Variants in CDC7 observed in about 807,000 individuals in gnomAD.
CDC7 encodes cell division cycle 7, also known as cell division cycle 7-related protein kinase.
In CDC7, 34 loss-of-function variants were observed where a neutral mutation model predicts 53.5. The observed-to-expected ratio is 0.64, with a 90% CI of 0.48 to 0.85. The LOEUF is 0.85. CDC7 is among the 40% of genes least tolerant of loss of function. The pLI is 0.00. For synonymous variants in CDC7, 211 were observed against 222.8 expected (o/e 0.95, Z 0.47); for missense variants, 594 against 679.7 (o/e 0.87, Z 1.40).
chr1:91,513,130 G>A lies in CDC7; in HGVS notation c.645G>A (p.Gln215=), dbSNP rs867657413. The stretch of plus-strand genomic sequence containing the variant: ...AAATAGAGCTTCTTAAATTTGTCCA[G>A]TCTGAAGCTCAGCAGGAAAGGTGTT... ...DTKIELLKFV[Q]SEAQQERCSQ... The change falls in exon 7 of 12, where the codon CAG becomes CAA. Residue 215 remains glutamine (Q), a synonymous_variant. Coordinates refer to ENST00000234626, the MANE Select transcript of CDC7 (RefSeq NM_003503.4). 1 of 1,613,612 alleles carries A rather than the reference G, an allele frequency of 6.2e-7. No individual in the cohort carries two copies.
intron 9 of CDC7, among the ~76,000 whole-genome samples, chr1:91,515,220 GCAA>G (rs1667495684): frequency 6.6e-6 from 1 of 152,202 alleles, no homozygotes; most frequent in African/African-American, 2.4e-5. Flanking sequence ...GCTCTTATAT[GCAA>G]ATAAGTGGGA....
chr1:91,519,380 G>A (rs899375299), intron 10 of CDC7, among the ~76,000 whole-genome samples: 1 of 151,738 alleles, frequency 6.6e-6, no homozygotes, highest in African/African-American at 2.4e-5. Flanking sequence ...AGTGAGCTGA[G>A]ACTGTGCCAC....
intron 3 of CDC7, 80 bp from the exon 4 acceptor site, chr1:91,508,182 T>C (rs1667089786): frequency 8.5e-7 from 1 of 1,172,760 alleles, no homozygotes; most frequent in Admixed American, 2.6e-5. Context: ...ATTGAAACAG[T>C]TTTTACAATC....
intron 9 of CDC7, 135 bp downstream of exon 9, chr1:91,515,132 G>A (rs1488500010): frequency 7.0e-6 from 4 of 569,976 alleles, no homozygotes; most frequent in Non-Finnish European, 1.2e-5. Context: ...ATGCAGAGCA[G>A]TAGTATGTTG....
rs77990651 is a variant in CDC7, at chr1:91,524,277, C to G, written c.1567C>G (p.His523Asp). 1.2e-4 allele frequency: 193 copies of G among 1,614,010 alleles called. 3 individuals carry two copies. The East Asian group carries it at 4.3e-3, about 36-fold the overall frequency. ...FKKGDSNSCE[H>D]CFDEYNTNLE... ...AAAGGGGGATAGTAATAGCTGTGAG[C>G]ATTGTTTTGATGAGTATAATACCAA... The change falls in exon 12 of 12, where the codon CAT becomes GAT. Residue 523 changes from histidine to aspartate, a missense_variant. His to Asp is a moderately conservative substitution (Grantham distance 81). Transcript: ENST00000234626.
chr1:91,501,392 G>A, intron 1 of CDC7: 1 of 274,056 alleles, frequency 3.6e-6, no homozygotes, highest in South Asian at 9.8e-5. Flanking sequence ...TGCCGGACTG[G>A]CAGCCTCGCC....
chr1:91,523,899 T>G, intron 11 of CDC7, 142 bp from the exon 12 acceptor site: 1 of 3,550 alleles, frequency 2.8e-4, no homozygotes, highest in Non-Finnish European at 3.6e-3. Flanking sequence ...TCATACTGTG[T>G]GTGTGTGTGT....
At chr1:91,501,336 A>T in intron 1 of CDC7, 1 of 208,426 alleles carries the variant, frequency 4.8e-6, no homozygotes. Flanking sequence ...CTGACTTCAA[A>T]CCGCCCCCGG....
At position 91,515,019 on chromosome 1, in the gene CDC7, A is replaced by G. The variant is rs769100463; in HGVS notation, c.1097+22A>G. On this transcript the variant is annotated intron_variant, in intron 9 of 11. Transcript: ENST00000234626. ...CAAGGTAATGTGTTTTGATGGTGTT[A>G]TAAAATCACCAGCATGCTGCCATTA... 3.1e-6 allele frequency: 5 copies of G among 1,589,700 alleles called. No individual in the cohort carries two copies. The African/African-American group carries it at 6.8e-5, about 22-fold the overall frequency.
intron 11 of CDC7, among the ~76,000 whole-genome samples, chr1:91,523,750 A>G (rs1202593063): frequency 6.6e-6 from 1 of 152,170 alleles, no homozygotes; most frequent in Non-Finnish European, 1.5e-5. Flanking sequence ...GAAGGGTAAG[A>G]TGAAGCTTGA....
At position 91,511,637 on chromosome 1, in the gene CDC7, AAGAATGATCATGT is replaced by A. The variant is rs777426874; in HGVS notation, c.379_391del (p.Asn127LeufsTer16). 1 of 1,611,310 alleles carries A rather than the reference AAGAATGATCATGT, an allele frequency of 6.2e-7. No homozygotes were observed. On this transcript the variant is annotated frameshift_variant, in exon 5 of 12. Coordinates refer to ENST00000234626, the MANE Select transcript of CDC7 (RefSeq NM_003503.4). LOFTEE classifies it high-confidence loss of function. ...CATGGGAGTTAAATACTGCTTTAGG[AAGAATGATCATGT>A]AGTTATTGCTATGCCATATCTGGAG... is the stretch of plus-strand genomic sequence containing the variant.
chr1:91,518,340 A>G (rs1225058843), intron 10 of CDC7, among the ~76,000 whole-genome samples: 3 of 152,190 alleles, frequency 2.0e-5, no homozygotes, highest in Non-Finnish European at 4.4e-5. Flanking sequence ...GTTCCTCAAA[A>G]AACTAAAAAT....
chr1:91,511,801 C>A lies in CDC7; in HGVS notation c.450C>A (p.Ser150=). Residue 150 remains serine (S), a synonymous_variant, in exon 6 of 12, where the codon TCC becomes TCA. Coordinates refer to ENST00000234626, the MANE Select transcript of CDC7 (RefSeq NM_003503.4). The stretch of plus-strand genomic sequence containing the variant: ...TTTAGGACATTCTGAATTCTCTTTC[C>A]TTTCAAGAAGTACGGGAATATATGC... ...ESFLDILNSL[S]FQEVREYMLN... The A allele has an allele frequency of 6.2e-7, 1 of 1,604,452 alleles. No individual in the cohort carries two copies. The highest frequency in any genetic ancestry group is 8.5e-7 in the Non-Finnish European group (1 of 1,173,126).
In CDC7 at chr1:91,524,406, C is replaced by T. The variant is rs750602155; in HGVS notation, c.1696C>T (p.His566Tyr). The T allele has an allele frequency of 7.5e-6, 12 of 1,609,158 alleles. No individual in the cohort carries two copies. In the South Asian group the frequency reaches 1.3e-4, roughly 18 times the overall value. The change falls in exon 12 of 12, where the codon CAT becomes TAT. Residue 566 changes from histidine (H) to tyrosine (Y), a missense_variant. His to Tyr is a moderately conservative substitution (Grantham distance 83, BLOSUM62 2). Transcript: ENST00000234626. ...SRITAEEALL[H>Y]PFFKDMSL Reference sequence around the variant, plus strand: ...AATAACAGCAGAAGAAGCTTTGTTGCATCCATTTTTTAAAGATATGAGCTT... The same window carrying T: ...AATAACAGCAGAAGAAGCTTTGTTGTATCCATTTTTTAAAGATATGAGCTT...
chr1:91,503,635 C>G (rs997694656), intron 2 of CDC7, among the ~76,000 whole-genome samples: 11 of 152,090 alleles, frequency 7.2e-5, no homozygotes, highest in Non-Finnish European at 1.0e-4. Context: ...TAGCATGTCT[C>G]TTTATTTTGA....
At chr1:91,515,530 T>A (rs1667513083) in intron 9 of CDC7, among the ~76,000 whole-genome samples, 1 of 152,198 alleles carries the variant, frequency 6.6e-6, no homozygotes. Context: ...CTATTATGGC[T>A]CTTATTATCC....
At chr1:91,502,117 T>A (rs987847672) in intron 2 of CDC7, among the ~76,000 whole-genome samples, 1 of 152,250 alleles carries the variant, frequency 6.6e-6, no homozygotes, top group African/African-American at 2.4e-5. Flanking sequence ...CTTTTGTATC[T>A]GTGTTCTTAT....
rs575613019 is a variant in CDC7, at chr1:91,521,681, TATGAAC to T, written c.1330+1408_1330+1413del. ...CTATTGAATAACTTCGTGAGAGGTT[TATGAAC>T]ATGAAGTTTATCAGCCAATACCAAC... is the stretch of plus-strand genomic sequence containing the variant. On this transcript the variant is annotated intron_variant, in intron 11 of 11. Coordinates refer to ENST00000234626, the MANE Select transcript of CDC7 (RefSeq NM_003503.4). Among the ~76,000 whole-genome samples the T allele has an allele frequency of 6.6e-4, 100 of 152,312 alleles. No individual in the cohort carries two copies. The East Asian group carries it at 0.016, about 24-fold the overall frequency.
chr1:91,501,646 T>A lies in CDC7; in HGVS notation c.-63-8T>A. 1 of 1,100,340 alleles carries A rather than the reference T, an allele frequency of 9.1e-7. No homozygotes were observed. The highest frequency in any genetic ancestry group is 1.4e-6 in the Non-Finnish European group (1 of 725,642). 68.2% of individuals were successfully genotyped at this position (1,100,340 alleles called of 1,614,324 possible). A position where few individuals can be genotyped will look rare whatever the true frequency, so the allele number is the denominator to read the frequency against. On this transcript the variant is annotated splice_region_variant and splice_polypyrimidine_tract_variant and intron_variant, in intron 1 of 11. Coordinates refer to ENST00000234626, the MANE Select transcript of CDC7 (RefSeq NM_003503.4). Reference sequence around the variant, plus strand: ...ATCTAAATTTCTCTAGTGTTCTAATTTTCACAGCTGCTTTGCTCCCCCTGT... The same window carrying A: ...ATCTAAATTTCTCTAGTGTTCTAATATTCACAGCTGCTTTGCTCCCCCTGT...
Sources: gnomAD v4.1 joint callset for allele counts (sites outside exome capture counted in the v4.1 genomes callset) on GRCh38, gnomAD v4.1.1 for gene constraint, MANE v1.5 for transcripts, NCBI Gene and HGNC (gene_info 2026-07-23, HGNC 2026-07-21) for gene names.